TRIM28: variants seen among roughly 807,000 people sequenced by gnomAD.
TRIM28 encodes tripartite motif containing 28, also known as transcription intermediary factor 1-beta.
A neutral mutation model predicts 87.4 loss-of-function variants in TRIM28; 8 were observed. The ratio of observed to expected loss-of-function variants is 0.09; its 90% CI spans 0.05 to 0.17. The LOEUF is 0.17. Ranked by LOEUF, TRIM28 falls within the 10% of genes least tolerant of loss-of-function variation. The pLI is 1.00. For synonymous variants in TRIM28, 601 were observed against 454.3 expected, an observed-to-expected ratio of 1.32 and a Z score of -4.11; for missense variants, 968 against 1,131.8, an observed-to-expected ratio of 0.86 and a Z score of 2.08.
At position 58,544,938 on chromosome 19, in the gene TRIM28, C is replaced by A. The variant is rs2122622369; in HGVS notation, c.181C>A (p.Leu61Met). 6.9e-7 allele frequency: 1 copy of A among 1,453,478 alleles called. No homozygotes were observed. Among genetic ancestry groups the A allele is most frequent in the Non-Finnish European group, 9.0e-7 (1 of 1,112,716 alleles). The allele number at this position is 1,453,478 out of a possible 1,614,324, so 90.0% of individuals were successfully genotyped here. Residue 61 changes from leucine to methionine, a missense_variant, in exon 1 of 17, where the codon CTG becomes ATG. This residue lies in a region of TRIM28 where 208 missense variants were observed against 170.9 expected (regional missense o/e 1.22). Coordinates refer to ENST00000253024, the MANE Select transcript of TRIM28 (RefSeq NM_005762.3). The stretch of plus-strand genomic sequence containing the variant: ...GGGGGGCGGCGCCGAGGCGCTGGAG[C>A]TGCTGGAGCACTGCGGCGTGTGCAG... The part of the protein sequence containing the change: ...PAGGGAEALE[L>M]LEHCGVCRER...
rs1330506870 is a variant in TRIM28 at position 58,544,860 on chromosome 19, G to A, written c.103G>A (p.Ala35Thr). The A allele has an allele frequency of 7.7e-7, 1 of 1,303,370 alleles. No homozygotes were observed. The highest frequency in any genetic ancestry group is 9.7e-7 in the Non-Finnish European group (1 of 1,028,378). The allele number at this position is 1,303,370 out of a possible 1,614,324, so 80.7% of individuals were successfully genotyped here. A position where few individuals can be genotyped will look rare whatever the true frequency, so the allele number is the denominator to read the frequency against. Residue 35 changes from alanine to threonine, a missense_variant, in exon 1 of 17, where the codon GCC becomes ACC. Around this residue, in one of 11 missense-constraint regions of TRIM28, gnomAD observed 208 missense variants for 170.9 expected, o/e 1.22. Coordinates refer to ENST00000253024, the MANE Select transcript of TRIM28 (RefSeq NM_005762.3). ...GSAGGEKRSTAPSAAASASAS... is the reference protein window; with the variant it reads ...GSAGGEKRSTTPSAAASASAS... ...CGCTGGCGGCGAAAAGCGCTCCACC[G>A]CCCCTTCGGCCGCAGCCTCGGCCTC...
At position 58,549,005 on chromosome 19, in the gene TRIM28, G is replaced by A. The variant is rs894072676; in HGVS notation, c.1427G>A (p.Gly476Asp). The A allele has an allele frequency of 1.2e-6, 2 of 1,614,106 alleles. No individual in the cohort carries two copies. The highest frequency in any genetic ancestry group is 8.5e-7 in the Non-Finnish European group (1 of 1,180,004). Residue 476 changes from glycine to aspartate, a missense_variant, in exon 12 of 17, where the codon GGC (glycine) becomes GAC (aspartate). Gly to Asp is a moderately conservative substitution (Grantham distance 94). Transcript: ENST00000253024. The surrounding 1 kb of genome is among the most constrained non-coding windows in gnomAD (Gnocchi z 4.4). Reference sequence around the variant, plus strand: ...ATCTACAGGTCCCGCTCAGGTGAGGGCGAGGTGAGCGGCCTTATGCGCAAG... The same window carrying A: ...ATCTACAGGTCCCGCTCAGGTGAGGACGAGGTGAGCGGCCTTATGCGCAAG... Reference protein sequence around the residue: ...SGVKRSRSGEGEVSGLMRKVP... With the variant: ...SGVKRSRSGEDEVSGLMRKVP...
chr19:58,545,142 C>CT (rs1019561202), intron 1 of TRIM28, 45 bp downstream of exon 1: 1 of 1,374,278 alleles, frequency 7.3e-7, no homozygotes, highest in African/African-American at 1.5e-5. Context: ...TACTCTCTGC[C>CT]TTTGATTCCG....
Position 58,550,142 on chromosome 19 carries a change from T to G in TRIM28, c.2194-5T>G, listed in dbSNP as rs753010423. On this transcript the variant is annotated splice_region_variant and splice_polypyrimidine_tract_variant and intron_variant, in intron 15 of 16. Transcript: ENST00000253024. Reference sequence around the variant, plus strand: ...TGTGTGTGTATGTGTGATCTCTGCCTGCAGGACCAGCCCGGTGGCACCCTG... The same window carrying G: ...TGTGTGTGTATGTGTGATCTCTGCCGGCAGGACCAGCCCGGTGGCACCCTG... 1.7e-5 allele frequency: 27 copies of G among 1,613,748 alleles called. No individual in the cohort carries two copies. In the Middle Eastern group the frequency reaches 8.2e-4, roughly 49 times the overall value.
At position 58,548,311 on chromosome 19, in the gene TRIM28, C is replaced by G. The variant is rs1009474336; in HGVS notation, c.1119C>G (p.His373Gln). The G allele has an allele frequency of 6.2e-6, 10 of 1,614,012 alleles. No individual in the cohort carries two copies. Among genetic ancestry groups the G allele is most frequent in the African/African-American group, 5.3e-5 (4 of 74,898 alleles). The part of the protein sequence containing the change: ...LSKKLIYFQL[H>Q]RALKMIVDPV... ...CCAACCAGATCTACTTCCAGCTGCACCGGGCCCTCAAGATGATTGTGGATC... is the reference window on the plus strand; with the variant it reads ...CCAACCAGATCTACTTCCAGCTGCAGCGGGCCCTCAAGATGATTGTGGATC... Residue 373 changes from histidine to glutamine, a missense_variant, in exon 8 of 17, where the codon CAC (histidine) becomes CAG (glutamine). Physicochemically the swap from His to Gln is conservative, Grantham distance 24 (BLOSUM62 0). This residue lies in a region of TRIM28 where 84 missense variants were observed against 139.9 expected (regional missense o/e 0.60). Transcript: ENST00000253024.
At chr19:58,545,399 G>C (rs1294632475) in intron 1 of TRIM28, 26 bp from the exon 2 acceptor site, 2 of 1,565,888 alleles carry the variant, frequency 1.3e-6, no homozygotes, top group East Asian at 2.3e-5. Context: ...ACTTGTAACA[G>C]TCTCCCACAT....
Position 58,544,766 on chromosome 19 carries a change from C to A in TRIM28, c.9C>A (p.Ala3=). The A allele has an allele frequency of 8.8e-7, 1 of 1,135,396 alleles. No homozygotes were observed. The highest frequency in any genetic ancestry group is 1.1e-6 in the Non-Finnish European group (1 of 928,246). 70.3% of individuals were successfully genotyped at this position (1,135,396 alleles called of 1,614,324 possible). ...CCCCCGGCGGCGTGTGAATGGCGGC[C>A]TCCGCGGCGGCAGCCTCGGCAGCAG... MA[A]SAAAASAAAA... Residue 3 remains alanine, a synonymous_variant, in exon 1 of 17, where the codon GCC becomes GCA. Coordinates refer to ENST00000253024, the MANE Select transcript of TRIM28 (RefSeq NM_005762.3).
In TRIM28 at chr19:58,550,013, C is replaced by T; in HGVS notation, c.2171C>T (p.Ala724Val). The T allele has an allele frequency of 6.2e-7, 1 of 1,614,126 alleles. No individual in the cohort carries two copies. The highest frequency in any genetic ancestry group is 1.1e-5 in the South Asian group (1 of 91,080). The change falls in exon 15 of 17, where the codon GCT becomes GTT. Residue 724 changes from alanine (A) to valine (V), a missense_variant. Physicochemically the swap from Ala to Val is moderately conservative, Grantham distance 64. Around this residue, in one of 11 missense-constraint regions of TRIM28, gnomAD observed 192 missense variants for 225.6 expected, o/e 0.85. Transcript: ENST00000253024. Reference sequence around the variant, plus strand: ...CCCTGCCGCCCCCTGCATCAGCTGGCTACCGACTCCACCTTCTCCCTGGTG... The same window carrying T: ...CCCTGCCGCCCCCTGCATCAGCTGGTTACCGACTCCACCTTCTCCCTGGTG... ...HEPCRPLHQL[A>V]TDSTFSLDQP...
At chr19:58,546,468 C>A (rs770114099) in intron 3 of TRIM28, among the ~76,000 whole-genome samples, 1 of 152,306 alleles carries the variant, frequency 6.6e-6, no homozygotes, top group Middle Eastern at 3.4e-3. Context: ...GGCCAGAATC[C>A]TCCCATGAGT....
intron 1 of TRIM28, 57 bp from the exon 2 acceptor site, chr19:58,545,368 G>C: frequency 7.2e-7 from 1 of 1,388,766 alleles, no homozygotes; most frequent in Non-Finnish European, 1.0e-6. Context: ...GGGAATGGTG[G>C]GGGCCATAAC....
intron 11 of TRIM28, 26 bp from the exon 12 acceptor site, chr19:58,548,962 C>T (rs2053787502): frequency 1.2e-6 from 2 of 1,613,924 alleles, no homozygotes; most frequent in Admixed American, 1.7e-5. Flanking sequence ...TGGGGGTGTA[C>T]TCATGCCAGG....
chr19:58,550,305 G>C, intron 16 of TRIM28, 21 bp downstream of exon 16: 1 of 1,613,948 alleles, frequency 6.2e-7, no homozygotes, highest in Non-Finnish European at 8.5e-7. Context: ...GGAATGGAGA[G>C]GCTGTGGGCA....
In TRIM28 at chr19:58,545,771, C is replaced by G; in HGVS notation, c.461C>G (p.Thr154Ser). ...CCTGCCTTTGTCTGGCAGTGCTGCA[C>G]TAGCTGTGAGGATAATGCCCCAGCC... ...TDAQDANQCCTSCEDNAPATS... is the reference protein window; with the variant it reads ...TDAQDANQCCSSCEDNAPATS... Residue 154 changes from threonine (T) to serine (S), a missense_variant, in exon 3 of 17, where the codon ACT becomes AGT. By Grantham distance (58) the Thr-to-Ser change is moderately conservative (BLOSUM62 1). Coordinates refer to ENST00000253024, the MANE Select transcript of TRIM28 (RefSeq NM_005762.3). 1 of 1,607,526 alleles carries G rather than the reference C, an allele frequency of 6.2e-7. No individual in the cohort carries two copies. Among genetic ancestry groups the G allele is most frequent in the Non-Finnish European group, 8.5e-7 (1 of 1,175,486 alleles).
At position 58,548,072 on chromosome 19, in the gene TRIM28, G is replaced by A; in HGVS notation, c.993G>A (p.Gln331=). ...GGCAGCAGGAGCGCCTGGAGCGGCA[G>A]CACTGGACCATGACCAAGATCCAGA... ...TEGQQERLER[Q]HWTMTKIQKH... is the part of the protein sequence containing the mutation. Residue 331 remains glutamine, a synonymous_variant, in exon 7 of 17, where the codon CAG becomes CAA. Transcript: ENST00000253024. 6.2e-7 allele frequency: 1 copy of A among 1,614,192 alleles called. No homozygotes were observed. Among genetic ancestry groups the A allele is most frequent in the Non-Finnish European group, 8.5e-7 (1 of 1,180,034 alleles).
In TRIM28 at chr19:58,549,025, C is replaced by T. The variant is rs530820777; in HGVS notation, c.1447C>T (p.Arg483Cys). 8 of 1,614,054 alleles carry T rather than the reference C, an allele frequency of 5.0e-6. No individual in the cohort carries two copies. The highest frequency in any genetic ancestry group is 2.2e-5 in the South Asian group (2 of 91,082). ...TGAGGGCGAGGTGAGCGGCCTTATG[C>T]GCAAGGTGCCACGAGTGAGCCTTGA... is the stretch of plus-strand genomic sequence containing the variant. Reference protein sequence around the residue: ...SGEGEVSGLMRKVPRVSLERL... With the variant: ...SGEGEVSGLMCKVPRVSLERL... The change falls in exon 12 of 17, where the codon CGC becomes TGC. Residue 483 changes from arginine to cysteine, a missense_variant. Physicochemically the swap from Arg to Cys is radical, Grantham distance 180 (BLOSUM62 -3). Coordinates refer to ENST00000253024, the MANE Select transcript of TRIM28 (RefSeq NM_005762.3). This position sits in a 1 kb window ranked among gnomAD's most constrained non-coding sequence, Gnocchi z 4.4.
In TRIM28 at chr19:58,550,260, C is replaced by G. The variant is rs1271763204; in HGVS notation, c.2307C>G (p.Phe769Leu). 1.9e-6 allele frequency: 3 copies of G among 1,613,974 alleles called. No homozygotes were observed. Among genetic ancestry groups the G allele is most frequent in the African/African-American group, 2.7e-5 (2 of 74,892 alleles). Reference protein sequence around the residue: ...QEFAQDVGRMFKQFNKLTEDK... With the variant: ...QEFAQDVGRMLKQFNKLTEDK... ...TTGCCCAGGATGTGGGCCGCATGTT[C>G]AAGCAATTCAACAAGTTAACTGAGG... is the stretch of plus-strand genomic sequence containing the variant. The change falls in exon 16 of 17, where the codon TTC (phenylalanine) becomes TTG (leucine). Residue 769 changes from phenylalanine to leucine, a missense_variant. Physicochemically the swap from Phe to Leu is conservative, Grantham distance 22 (BLOSUM62 0). Transcript: ENST00000253024.
Position 58,548,551 on chromosome 19 carries a change from G to A in TRIM28, c.1282G>A (p.Ala428Thr). The change falls in exon 9 of 17, where the codon GCC (alanine) becomes ACC (threonine). Residue 428 changes from alanine to threonine, a missense_variant. Physicochemically the swap from Ala to Thr is moderately conservative, Grantham distance 58. Transcript: ENST00000253024. ...CCCTGCACCCATGGCCCCTCCAAGA[G>A]CCCCAGGGCCCCTGAGCAAGCAGGG... Reference protein sequence around the residue: ...TGPAPMAPPRAPGPLSKQGSG... With the variant: ...TGPAPMAPPRTPGPLSKQGSG... 3 of 1,613,764 alleles carry A rather than the reference G, an allele frequency of 1.9e-6. No homozygotes were observed. The highest frequency in any genetic ancestry group is 1.1e-5 in the South Asian group (1 of 91,078).
At position 58,544,285 on chromosome 19, in the gene TRIM28, C is replaced by G. The variant is rs1005002393; in HGVS notation, c.-473C>G. On this transcript the variant is annotated 5_prime_UTR_variant, in exon 1 of 17. Transcript: ENST00000253024. The stretch of plus-strand genomic sequence containing the variant: ...GGCCCCGCCCCGCCCCCACAAGAGC[C>G]CCACCGACGTGGGGTTGGCGGTGGT... 1 of 152,346 alleles carries G rather than the reference C, an allele frequency of 6.6e-6. No homozygotes were observed. The highest frequency in any genetic ancestry group is 1.5e-5 in the Non-Finnish European group (1 of 68,184). The allele number at this position is 152,346 out of a possible 1,614,324, so 9.4% of individuals were successfully genotyped here. A position where few individuals can be genotyped will look rare whatever the true frequency, so the allele number is the denominator to read the frequency against.
chr19:58,547,946 C>G, intron 6 of TRIM28, 40 bp downstream of exon 6: 3 of 1,613,728 alleles, frequency 1.9e-6, no homozygotes, highest in South Asian at 1.1e-5. Context: ...TGAGCCCCCT[C>G]TGCTGATTGA....
Sources: allele counts gnomAD v4.1 joint callset (sites outside exome capture counted in the v4.1 genomes callset), GRCh38; gene constraint gnomAD v4.1.1; regional missense constraint gnomAD v4.1.1; non-coding constraint Gnocchi (gnomAD v3.1); transcripts MANE v1.5; gene names NCBI Gene and HGNC (gene_info 2026-07-23, HGNC 2026-07-21).